The following KIRREL3 variants were observed in gnomAD, a reference collection of about 807,000 sequenced individuals.
KIRREL3 encodes kin of IRRE-like protein 3.
In KIRREL3, 36 loss-of-function variants were observed where a neutral mutation model predicts 89.7. The observed-to-expected ratio is 0.40, with a 90% CI of 0.31 to 0.53. KIRREL3 has a LOEUF of 0.53. KIRREL3 is among the 20% of genes least tolerant of loss of function. The probability of loss-of-function intolerance (pLI) is 0.49; values close to 1 mark genes in which losing one functional copy is unlikely to be tolerated. For missense variants in KIRREL3, 864 were observed against 1,056.6 expected (o/e 0.82, Z 2.53); for synonymous variants, 445 against 441.4 (o/e 1.01, Z -0.10).
chr11:126,563,364 C>T lies in KIRREL3; in HGVS notation c.56-452G>A, dbSNP rs559725125. 1.9e-4 allele frequency among the ~76,000 whole-genome samples: 29 copies of T among 152,236 alleles called. No homozygotes were observed. The highest frequency in any genetic ancestry group is 3.8e-4 in the Non-Finnish European group (26 of 68,028). On this transcript the variant is annotated intron_variant, in intron 1 of 16. Transcript: ENST00000525144. This position sits in a 1 kb window ranked among gnomAD's most constrained non-coding sequence, Gnocchi z 6.8. The stretch of plus-strand genomic sequence containing the variant: ...TGATGCAGAATCTATCCAGTCGTGT[C>T]TAGGATGGAACAGTGCAACCAGACA...
intron 5 of KIRREL3, among the ~76,000 whole-genome samples, chr11:126,465,335 T>C (rs182256098): frequency 2.4e-4 from 37 of 152,308 alleles, no homozygotes; most frequent in Non-Finnish European, 4.6e-4. Context: ...GTGTTCCAAG[T>C]GAGCCGGGAA....
At chr11:126,483,893 C>T (rs1028576965) in intron 4 of KIRREL3, among the ~76,000 whole-genome samples, 1 of 152,218 alleles carries the variant, frequency 6.6e-6, no homozygotes, top group Non-Finnish European at 1.5e-5. Context: ...AAGACTCAGG[C>T]TATTGTCACC....
At chr11:126,721,640 C>A (rs770947530) in intron 1 of KIRREL3, among the ~76,000 whole-genome samples, 4 of 152,152 alleles carry the variant, frequency 2.6e-5, no homozygotes, top group Admixed American at 1.3e-4. Context: ...AGCAAAGAAG[C>A]CTGCTCAAGA....
In KIRREL3 at chr11:126,445,132, C is replaced by G. The variant is rs377719536; in HGVS notation, c.1126-27G>C. The G allele has an allele frequency of 1.6e-5, 26 of 1,611,600 alleles. No homozygotes were observed. The African/African-American group carries it at 3.3e-4, about 21-fold the overall frequency. ...TAGGAGAATTGGCAGGCTCAGATGC[C>G]AAGAGCAGGCGGAGGGGTGCACTCT... On this transcript the variant is annotated intron_variant, in intron 9 of 16. Transcript: ENST00000525144.
chr11:126,702,755 C>T (rs1359377956), intron 1 of KIRREL3, among the ~76,000 whole-genome samples: 3 of 152,208 alleles, frequency 2.0e-5, no homozygotes, highest in Non-Finnish European at 4.4e-5. Context: ...TCTGACCACA[C>T]TTTAAATGTG....
rs1028166586 is a variant in KIRREL3 at position 126,978,696 on chromosome 11, T to C, written c.55+21759A>G. Among the ~76,000 whole-genome samples, 2 of 151,870 alleles carry C rather than the reference T, an allele frequency of 1.3e-5. No homozygotes were observed. Among genetic ancestry groups the C allele is most frequent in the African/African-American group, 4.8e-5 (2 of 41,414 alleles). On this transcript the variant is annotated intron_variant, in intron 1 of 16. Coordinates refer to ENST00000525144, the MANE Select transcript of KIRREL3 (RefSeq NM_032531.4). This position sits in a 1 kb window ranked among gnomAD's most constrained non-coding sequence, Gnocchi z 4.2. ...GCTCTCTGCCCATTTTCTTAGCTAA[T>C]GTCCACTCTGCCCTGGAGCTTTGCT... is the stretch of plus-strand genomic sequence containing the variant.
chr11:126,680,439 G>A (rs1946402568), intron 1 of KIRREL3, among the ~76,000 whole-genome samples: 1 of 150,146 alleles, frequency 6.7e-6, no homozygotes, highest in Non-Finnish European at 1.5e-5. Flanking sequence ...AGCCAACAGA[G>A]GGACTTGGCC....
At chr11:126,921,621 T>C (rs201991596) in intron 1 of KIRREL3, among the ~76,000 whole-genome samples, 1 of 37,780 alleles carries the variant, frequency 2.6e-5, no homozygotes, top group Admixed American at 2.0e-4. Context: ...TATCTATCTA[T>C]CTTCCTATCT....
At chr11:126,864,168 T>C (rs1206986298) in intron 1 of KIRREL3, among the ~76,000 whole-genome samples, 2 of 152,226 alleles carry the variant, frequency 1.3e-5, no homozygotes, top group Non-Finnish European at 2.9e-5. Flanking sequence ...CTATTTTTCA[T>C]GTGAAGTGGA....
chr11:126,473,333 G>A lies in KIRREL3; in HGVS notation c.567C>T (p.Val189=). Residue 189 remains valine, a synonymous_variant, in exon 5 of 17, where the codon GTC becomes GTT. Coordinates refer to ENST00000525144, the MANE Select transcript of KIRREL3 (RefSeq NM_032531.4). ...CCTTGGAGTAGGTGGCCCCATTGATGACCTCTCCCTTTCGCAACCAGATGA... is the reference window on the plus strand; with the variant it reads ...CCTTGGAGTAGGTGGCCCCATTGATAACCTCTCCCTTTCGCAACCAGATGA... ...ASIIWLRKGE[V]INGATYSKTL... 8.1e-7 allele frequency: 1 copy of A among 1,239,204 alleles called. No individual in the cohort carries two copies. The highest frequency in any genetic ancestry group is 1.9e-5 in the African/African-American group (1 of 51,640). The allele number at this position is 1,239,204 out of a possible 1,614,324, so 76.8% of individuals were successfully genotyped here.
chr11:126,954,315 G>A lies in KIRREL3; in HGVS notation c.55+46140C>T, dbSNP rs1357697237. On this transcript the variant is annotated intron_variant, in intron 1 of 16. Transcript: ENST00000525144. This position sits in a 1 kb window ranked among gnomAD's most constrained non-coding sequence, Gnocchi z 4.1. ...AGTTGACATTTTATTTTATAGTCAC[G>A]TTAGAGTTGAGTTCAGACTTATTTT... Among the ~76,000 whole-genome samples, 4 of 149,498 alleles carry A rather than the reference G, an allele frequency of 2.7e-5. No homozygotes were observed. The East Asian group carries it at 5.8e-4, about 22-fold the overall frequency.
chr11:126,945,364 C>T (rs1265572426), intron 1 of KIRREL3, among the ~76,000 whole-genome samples: 2 of 152,154 alleles, frequency 1.3e-5, no homozygotes, highest in Non-Finnish European at 2.9e-5. Context: ...ATGCCAGAGA[C>T]TGGGGAGTGG....
At chr11:126,975,504 T>C (rs963321397) in intron 1 of KIRREL3, among the ~76,000 whole-genome samples, 3 of 152,196 alleles carry the variant, frequency 2.0e-5, no homozygotes, top group African/African-American at 7.2e-5. Context: ...ACTACCAGTA[T>C]TCCTACCCTC....
chr11:126,923,233 T>C (rs1226745044), intron 1 of KIRREL3, among the ~76,000 whole-genome samples: 6 of 47,362 alleles, frequency 1.3e-4, no homozygotes, highest in East Asian at 9.8e-4. Flanking sequence ...TTCTTCTTCT[T>C]CTTCTTCTTC....
In KIRREL3 at chr11:126,696,214, G is replaced by A. The variant is rs181893622; in HGVS notation, c.56-133302C>T. On this transcript the variant is annotated intron_variant, in intron 1 of 16. Transcript: ENST00000525144. The surrounding 1 kb of genome is among the most constrained non-coding windows in gnomAD (Gnocchi z 4.4). ...AGAGGTTGCAGTGAGCCAACATCCC[G>A]CCACTCCACTCCAGCCTGGGCCACT... Among the ~76,000 whole-genome samples the A allele has an allele frequency of 2.1e-3, 315 of 148,818 alleles. 3 individuals carry two copies. Among genetic ancestry groups the A allele is most frequent in the African/African-American group, 7.1e-3 (287 of 40,232 alleles).
intron 1 of KIRREL3, among the ~76,000 whole-genome samples, chr11:126,634,194 G>T (rs1050781256): frequency 6.6e-6 from 1 of 152,150 alleles, no homozygotes; most frequent in Non-Finnish European, 1.5e-5. Context: ...CACCGGTACC[G>T]AAGGCTCTGA....
chr11:126,980,815 T>C (rs938032106), intron 1 of KIRREL3, among the ~76,000 whole-genome samples: 1 of 152,156 alleles, frequency 6.6e-6, no homozygotes, highest in Admixed American at 6.5e-5. Context: ...GTTTTAAAAG[T>C]GATACTGGGC....
At chr11:126,845,746 C>G (rs914171546) in intron 1 of KIRREL3, among the ~76,000 whole-genome samples, 1 of 152,092 alleles carries the variant, frequency 6.6e-6, no homozygotes, top group Non-Finnish European at 1.5e-5. Context: ...TATGAATTAC[C>G]TTAAATTTTC....
rs1212150971 is a variant in KIRREL3, at chr11:126,683,976, C to G, written c.56-121064G>C. On this transcript the variant is annotated intron_variant, in intron 1 of 16. Coordinates refer to ENST00000525144, the MANE Select transcript of KIRREL3 (RefSeq NM_032531.4). This position sits in a 1 kb window ranked among gnomAD's most constrained non-coding sequence, Gnocchi z 5.2. ...AGAGGTCCCTTACAGGGTGGTGGGA[C>G]CCAGGGCCCAGGGTTTGGCTCCGGG... is the stretch of plus-strand genomic sequence containing the variant. 6.6e-6 allele frequency among the ~76,000 whole-genome samples: 1 copy of G among 152,206 alleles called. No homozygotes were observed. Among genetic ancestry groups the G allele is most frequent in the African/African-American group, 2.4e-5 (1 of 41,456 alleles).
Sources: allele counts gnomAD v4.1 joint callset (sites outside exome capture counted in the v4.1 genomes callset), GRCh38; gene constraint gnomAD v4.1.1; non-coding constraint Gnocchi (gnomAD v3.1); transcripts MANE v1.5; gene names NCBI Gene and HGNC (gene_info 2026-07-23, HGNC 2026-07-21).